Variants in EIF2S3B observed in about 807,000 individuals in gnomAD.
EIF2S3B encodes the protein eukaryotic translation initiation factor 2 subunit gamma B.
EIF2S3B carries 16 observed loss-of-function variants against 26.4 expected under a neutral mutation model. That is an observed-to-expected ratio of 0.61 (90% CI 0.41 to 0.92). The LOEUF is 0.92. EIF2S3B is among the 40% of genes least tolerant of loss of function. The probability of loss-of-function intolerance (pLI) is 0.00; values close to 1 mark genes in which losing one functional copy is unlikely to be tolerated. For missense variants in EIF2S3B, 510 were observed against 575.5 expected, an observed-to-expected ratio of 0.89 and a Z score of 1.16; for synonymous variants, 183 against 204.4, an observed-to-expected ratio of 0.90 and a Z score of 0.89.
rs750904333 is a variant in EIF2S3B at position 10,506,026 on chromosome 12, A to G, written c.124A>G (p.Ile42Val). 1 of 1,605,468 alleles carries G rather than the reference A, an allele frequency of 6.2e-7. No homozygotes were observed. ...SHEVISRQATINIGTIGHVAH... is the reference protein window; with the variant it reads ...SHEVISRQATVNIGTIGHVAH... ...CGAAGTTATCAGCAGACAAGCCACA[A>G]TTAATATAGGTACAATTGGTCATGT... The change falls in exon 1 of 1, where the codon ATT (isoleucine) becomes GTT (valine). Residue 42 changes from isoleucine (I) to valine (V), a missense_variant. Coordinates refer to ENST00000538173, the MANE Select transcript of EIF2S3B (RefSeq NM_001357734.3).
At chr12:10,512,047 G>T (rs1864710001), downstream of EIF2S3B, among the ~76,000 whole-genome samples, 2 of 152,138 alleles carry the variant, frequency 1.3e-5, no homozygotes, top group Admixed American at 6.6e-5. Context: ...TGGAGCTATT[G>T]TTCCATTCAG....
At chr12:10,518,647 C>A (rs924404949) in intron 1 of EIF2S3B, among the ~76,000 whole-genome samples, 10 of 152,024 alleles carry the variant, frequency 6.6e-5, no homozygotes, top group South Asian at 2.1e-4. Flanking sequence ...AGCTGATAAG[C>A]AACTTCAGCA....
chr12:10,522,171 T>C (rs1359104687), intron 1 of EIF2S3B, among the ~76,000 whole-genome samples: 3 of 152,172 alleles, frequency 2.0e-5, no homozygotes, highest in African/African-American at 7.2e-5. Context: ...ATAATTAGTA[T>C]ATGTTCCATA....
In EIF2S3B at chr12:10,505,945, C is replaced by T. The variant is rs776658502; in HGVS notation, c.43C>T (p.Leu15Phe). ...EAGVTLGQPHLSRQDLTTLDV... is the reference protein window; with the variant it reads ...EAGVTLGQPHFSRQDLTTLDV... Reference sequence around the variant, plus strand: ...TGGGGTGACTCTGGGGCAGCCGCACCTTTCGCGTCAGGATCTCACCACCTT... The same window carrying T: ...TGGGGTGACTCTGGGGCAGCCGCACTTTTCGCGTCAGGATCTCACCACCTT... Residue 15 changes from leucine to phenylalanine, a missense_variant, in exon 1 of 1, where the codon CTT becomes TTT. Transcript: ENST00000538173. 1.2e-6 allele frequency: 2 copies of T among 1,603,160 alleles called. No individual in the cohort carries two copies. The highest frequency in any genetic ancestry group is 1.7e-6 in the Non-Finnish European group (2 of 1,169,974).
chr12:10,514,949 A>G (rs1186033342), intron 1 of EIF2S3B, among the ~76,000 whole-genome samples: 1 of 152,062 alleles, frequency 6.6e-6, no homozygotes, highest in Non-Finnish European at 1.5e-5. Context: ...TTGGTCCTTC[A>G]CTTAAAATCA....
At chr12:10,517,239 C>T (rs1864767066) in intron 1 of EIF2S3B, among the ~76,000 whole-genome samples, 1 of 152,134 alleles carries the variant, frequency 6.6e-6, no homozygotes, top group African/African-American at 2.4e-5. Flanking sequence ...TCCATCTGGT[C>T]CTGGACTATT....
At chr12:10,508,634 C>G (rs1864673229), downstream of EIF2S3B, among the ~76,000 whole-genome samples, 1 of 151,282 alleles carries the variant, frequency 6.6e-6, no homozygotes, top group Non-Finnish European at 1.5e-5. Context: ...TTATACATCC[C>G]TGGGTTCTCC....
chr12:10,516,735 T>C (rs1405854947), intron 1 of EIF2S3B, among the ~76,000 whole-genome samples: 6 of 152,144 alleles, frequency 3.9e-5, no homozygotes, highest in Admixed American at 3.3e-4. Flanking sequence ...TAGTATGATA[T>C]TGGCTGTGGG....
rs1389262445 is a variant in EIF2S3B at position 10,507,464 on chromosome 12, TC to T, written c.*144del. 2.1e-6 allele frequency: 2 copies of T among 951,514 alleles called. No individual in the cohort carries two copies. The highest frequency in any genetic ancestry group is 2.5e-5 in the East Asian group (1 of 39,856). The allele number at this position is 951,514 out of a possible 1,614,324, so 58.9% of individuals were successfully genotyped here. ...AGTAGGTAACGGTAAGGTTATTCTC[TC>T]TTTTTTTTTTTGGTTATGAAAACTT... On this transcript the variant is annotated 3_prime_UTR_variant, in exon 1 of 1. Coordinates refer to ENST00000538173, the MANE Select transcript of EIF2S3B (RefSeq NM_001357734.3).
chr12:10,516,488 T>C (rs1430469072), intron 1 of EIF2S3B, among the ~76,000 whole-genome samples: 1 of 149,196 alleles, frequency 6.7e-6, no homozygotes, highest in Non-Finnish European at 1.5e-5. Context: ...ATCACTATGC[T>C]GATCACAAAT....
At chr12:10,515,306 A>C (rs1454360456) in intron 1 of EIF2S3B, among the ~76,000 whole-genome samples, 3 of 151,184 alleles carry the variant, frequency 2.0e-5, no homozygotes, top group Non-Finnish European at 4.4e-5. Flanking sequence ...AATCTGCTTC[A>C]CTTAAAAAAA....
At chr12:10,508,525 CAAAAAAAA>C, downstream of EIF2S3B, among the ~76,000 whole-genome samples, 174 of 63,012 alleles carry the variant, frequency 2.8e-3, 2 homozygotes, top group South Asian at 0.096. Context: ...TGTTAGAAAG[CAAAAAAAA>C]AAAAAAAAAA....
intron 1 of EIF2S3B, among the ~76,000 whole-genome samples, chr12:10,522,317 AGAGT>A (rs1364569758): frequency 2.0e-5 from 3 of 152,236 alleles, no homozygotes; most frequent in South Asian, 2.1e-4. Context: ...CATTAGTGAC[AGAGT>A]GAGATCCTGT....
chr12:10,507,590 G>A lies in EIF2S3B; in HGVS notation c.*269G>A, dbSNP rs567051656. The A allele has an allele frequency of 8.9e-6, 5 of 562,258 alleles. No homozygotes were observed. The highest frequency in any genetic ancestry group is 7.6e-5 in the African/African-American group (4 of 52,820). 34.8% of individuals were successfully genotyped at this position (562,258 alleles called of 1,614,324 possible). A position where few individuals can be genotyped will look rare whatever the true frequency, so the allele number is the denominator to read the frequency against. Reference sequence around the variant, plus strand: ...ACATAATGTCAAAATTATACATTATGCAGTTTTTTTGTTTGTTTTATTTTG... The same window carrying A: ...ACATAATGTCAAAATTATACATTATACAGTTTTTTTGTTTGTTTTATTTTG... On this transcript the variant is annotated 3_prime_UTR_variant, in exon 1 of 1. Coordinates refer to ENST00000538173, the MANE Select transcript of EIF2S3B (RefSeq NM_001357734.3).
In EIF2S3B at chr12:10,507,490, T is replaced by A; in HGVS notation, c.*169T>A. On this transcript the variant is annotated 3_prime_UTR_variant, in exon 1 of 1. Coordinates refer to ENST00000538173, the MANE Select transcript of EIF2S3B (RefSeq NM_001357734.3). ...CTTTTTTTTTTTGGTTATGAAAACT[T>A]AGGGACTACAATTAGTATAAAAATT... 1.3e-6 allele frequency: 1 copy of A among 748,164 alleles called. No homozygotes were observed. The highest frequency in any genetic ancestry group is 2.1e-6 in the Non-Finnish European group (1 of 466,450). 46.3% of individuals were successfully genotyped at this position (748,164 alleles called of 1,614,324 possible). A position where few individuals can be genotyped will look rare whatever the true frequency, so the allele number is the denominator to read the frequency against.
downstream of EIF2S3B, among the ~76,000 whole-genome samples, chr12:10,510,369 C>T (rs568240411): frequency 4.4e-4 from 67 of 152,242 alleles, no homozygotes; most frequent in East Asian, 5.8e-3. Context: ...AGCACTTACT[C>T]GGGGTTAATA....
chr12:10,507,048 A>G lies in EIF2S3B; in HGVS notation c.1146A>G (p.Leu382=). The G allele has an allele frequency of 3.1e-6, 5 of 1,613,806 alleles. No individual in the cohort carries two copies. Among genetic ancestry groups the G allele is most frequent in the Non-Finnish European group, 4.2e-6 (5 of 1,179,686 alleles). Residue 382 remains leucine (L), a synonymous_variant, in exon 1 of 1, where the codon CTA becomes CTG. Coordinates refer to ENST00000538173, the MANE Select transcript of EIF2S3B (RefSeq NM_001357734.3). ...EISYFLLRRL[L]GVRTEGDKKA... ...CCTATTTCCTGCTTAGACGGCTTCTAGGTGTACGCACTGAAGGAGACAAGA... is the reference window on the plus strand; with the variant it reads ...CCTATTTCCTGCTTAGACGGCTTCTGGGTGTACGCACTGAAGGAGACAAGA...
chr12:10,516,238 G>T (rs949177237), intron 1 of EIF2S3B, among the ~76,000 whole-genome samples: 1 of 151,870 alleles, frequency 6.6e-6, no homozygotes, highest in Non-Finnish European at 1.5e-5. Context: ...TTTCGTAGAG[G>T]TTCCACAGTT....
chr12:10,514,082 ATTT>A (rs1052601993), intron 1 of EIF2S3B, among the ~76,000 whole-genome samples: 4 of 151,914 alleles, frequency 2.6e-5, no homozygotes, highest in African/African-American at 9.7e-5. Context: ...TGCTTGGTAA[ATTT>A]TTTTTCTTAG....
Sources: allele counts gnomAD v4.1 joint callset (sites outside exome capture counted in the v4.1 genomes callset), GRCh38; gene constraint gnomAD v4.1.1; transcripts MANE v1.5; gene names NCBI Gene and HGNC (gene_info 2026-07-23, HGNC 2026-07-21).